EYS: variants seen among roughly 807,000 people sequenced by gnomAD.
The protein encoded by EYS is EGF-like photoreceptor maintenance factor, also known as protein eyes shut homolog.
Under a neutral mutation model 282.1 loss-of-function variants are expected in EYS, and 250 were observed. That is an observed-to-expected ratio of 0.89 (90% CI 0.80 to 0.98). EYS has a LOEUF of 0.98. Among genes scored for constraint, EYS ranks in the 50% least tolerant of loss-of-function variants. The probability of loss-of-function intolerance (pLI) is 0.00; values close to 1 mark genes in which losing one functional copy is unlikely to be tolerated. For missense variants in EYS, 4,016 were observed against 3,709.0 expected (o/e 1.08, Z -2.15); for synonymous variants, 1,355 against 1,282.9 (o/e 1.06, Z -1.20).
chr6:64,488,190 A>G (rs990467381), intron 26 of EYS, among the ~76,000 whole-genome samples: 39 of 151,250 alleles, frequency 2.6e-4, no homozygotes, highest in Non-Finnish European at 3.0e-4. Flanking sequence ...ATAATTCAAT[A>G]TTAATAAATT....
chr6:64,476,529 G>T (rs1258336624), intron 26 of EYS, among the ~76,000 whole-genome samples: 2 of 151,956 alleles, frequency 1.3e-5, no homozygotes, highest in Non-Finnish European at 2.9e-5. Flanking sequence ...AAAAAATATA[G>T]AAAATATTTT....
At chr6:64,268,340 T>G (rs965412533) in intron 30 of EYS, among the ~76,000 whole-genome samples, 2 of 152,010 alleles carry the variant, frequency 1.3e-5, no homozygotes, top group Non-Finnish European at 2.9e-5. Context: ...TAGACAACAT[T>G]AGGAAGGGTA....
chr6:64,012,118 A>G (rs907184300), intron 33 of EYS, among the ~76,000 whole-genome samples: 1 of 151,162 alleles, frequency 6.6e-6, no homozygotes, highest in Non-Finnish European at 1.5e-5. Context: ...AAAAATGTCT[A>G]TCTTCCAGAT....
intron 35 of EYS, among the ~76,000 whole-genome samples, chr6:63,865,518 C>G (rs548931303): frequency 1.5e-4 from 23 of 151,344 alleles, no homozygotes; most frequent in Admixed American, 1.3e-3. Flanking sequence ...ATATACAGAT[C>G]TTAGGAGTTT....
At position 65,490,644 on chromosome 6, in the gene EYS, C is replaced by T. The variant is rs1390616909; in HGVS notation, c.812G>A (p.Ser271Asn). ...QPHVCFHGNC[S>N]NITSNSFICE... Reference sequence around the variant, plus strand: ...AATGAAACTATTTGAAGTAATATTGCTGCAGTTTCCATGGAAACAGACATG... The same window carrying T: ...AATGAAACTATTTGAAGTAATATTGTTGCAGTTTCCATGGAAACAGACATG... The change falls in exon 5 of 43, where the codon AGC becomes AAC. Residue 271 changes from serine to asparagine, a missense_variant. Physicochemically the swap from Ser to Asn is conservative, Grantham distance 46. Transcript: ENST00000503581. 3 of 1,612,364 alleles carry T rather than the reference C, an allele frequency of 1.9e-6. No individual in the cohort carries two copies. Among genetic ancestry groups the T allele is most frequent in the African/African-American group, 1.3e-5 (1 of 74,852 alleles).
chr6:64,179,465 AACCGTGAGCTTATT>A (rs1764729038), intron 31 of EYS, among the ~76,000 whole-genome samples: 1 of 152,100 alleles, frequency 6.6e-6, no homozygotes, highest in Non-Finnish European at 1.5e-5. Context: ...TAAGATATAA[AACCGTGAGCTTATT>A]ACTTCTCATG....
intron 33 of EYS, among the ~76,000 whole-genome samples, chr6:64,036,059 C>G (rs915776937): frequency 6.6e-6 from 1 of 152,124 alleles, no homozygotes; most frequent in Non-Finnish European, 1.5e-5. Flanking sequence ...TCTGTAATAA[C>G]CAAAGAAGTA....
At chr6:65,062,110 A>G (rs1015253662) in intron 12 of EYS, among the ~76,000 whole-genome samples, 1 of 151,892 alleles carries the variant, frequency 6.6e-6, no homozygotes, top group African/African-American at 2.4e-5. Context: ...TGCCCTCTAC[A>G]TGACAGACTC....
At chr6:64,477,491 GTCTGACGTCTGATGTATAAATGGAATT>G (rs2150496842) in intron 26 of EYS, among the ~76,000 whole-genome samples, 1 of 152,130 alleles carries the variant, frequency 6.6e-6, no homozygotes, top group African/African-American at 2.4e-5. Context: ...GCCTCATCCT[GTCTGACGTCTGATGTATAAATGGAATT>G]GGAAGTATGC....
At chr6:64,206,333 A>G (rs752444212) in intron 31 of EYS, among the ~76,000 whole-genome samples, 3 of 152,192 alleles carry the variant, frequency 2.0e-5, no homozygotes, top group Non-Finnish European at 4.4e-5. Flanking sequence ...GTGAAAAAAT[A>G]TTAGAGGACT....
chr6:65,271,651 C>T (rs62408673), intron 12 of EYS, among the ~76,000 whole-genome samples: 36,020 of 151,538 alleles, frequency 0.24, 4,448 homozygotes, highest in Middle Eastern at 0.28. Flanking sequence ...GGTATGATCT[C>T]GGCTCACTAC....
At chr6:65,079,502 T>C in intron 12 of EYS, among the ~76,000 whole-genome samples, 1 of 152,006 alleles carries the variant, frequency 6.6e-6, no homozygotes. Context: ...AAATATAAAA[T>C]ACATGTCAGA....
At chr6:65,452,289 T>A (rs1489226120) in intron 5 of EYS, among the ~76,000 whole-genome samples, 3 of 151,612 alleles carry the variant, frequency 2.0e-5, no homozygotes, top group Non-Finnish European at 3.0e-5. Context: ...TAATAAAACA[T>A]GAAAAACATT....
intron 29 of EYS, among the ~76,000 whole-genome samples, chr6:64,367,135 A>G (rs577840058): frequency 6.6e-6 from 1 of 152,178 alleles, no homozygotes; most frequent in African/African-American, 2.4e-5. Flanking sequence ...CTTTTTTGAA[A>G]CCTCAGAAAG....
At chr6:64,928,780 T>C (rs1464783170) in intron 15 of EYS, among the ~76,000 whole-genome samples, 1 of 152,144 alleles carries the variant, frequency 6.6e-6, no homozygotes, top group Non-Finnish European at 1.5e-5. Flanking sequence ...CTGAACCTGG[T>C]ATTATGGTTC....
intron 33 of EYS, among the ~76,000 whole-genome samples, chr6:64,037,246 A>T (rs1221185556): frequency 6.6e-6 from 1 of 152,188 alleles, no homozygotes; most frequent in Non-Finnish European, 1.5e-5. Flanking sequence ...CGGTCCTATT[A>T]ACTTTTTCAT....
At chr6:64,572,269 C>G (rs1582907992) in intron 26 of EYS, among the ~76,000 whole-genome samples, 1 of 152,164 alleles carries the variant, frequency 6.6e-6, no homozygotes, top group Non-Finnish European at 1.5e-5. Flanking sequence ...ATTGATGGAA[C>G]GTATCTCAAA....
rs186964007 is a variant in EYS, at chr6:65,035,695, G to A, written c.2137+21919C>T. 1.5e-3 allele frequency among the ~76,000 whole-genome samples: 221 copies of A among 151,590 alleles called. 2 individuals carry two copies. The highest frequency in any genetic ancestry group is 6.9e-4 in the Non-Finnish European group (47 of 67,878). On this transcript the variant is annotated intron_variant, in intron 13 of 42. Coordinates refer to ENST00000503581, the MANE Select transcript of EYS (RefSeq NM_001142800.2). ...GATATCAGAAATGACACACACAAATGGAAAAATGTTCCATGCTCATGAATT... is the reference window on the plus strand; with the variant it reads ...GATATCAGAAATGACACACACAAATAGAAAAATGTTCCATGCTCATGAATT...
intron 31 of EYS, among the ~76,000 whole-genome samples, chr6:64,161,397 T>C (rs1775101881): frequency 1.3e-5 from 2 of 152,198 alleles, no homozygotes; most frequent in Admixed American, 1.3e-4. Context: ...AGTAGGAAGC[T>C]GCTGTCATGA....
Sources: gnomAD v4.1 joint callset for allele counts (sites outside exome capture counted in the v4.1 genomes callset) on GRCh38, gnomAD v4.1.1 for gene constraint, MANE v1.5 for transcripts, NCBI Gene and HGNC (gene_info 2026-07-23, HGNC 2026-07-21) for gene names.